The following ARMH3 variants were observed in gnomAD, a reference collection of about 807,000 sequenced individuals.
ARMH3 encodes armadillo like helical domain containing 3, also known as armadillo-like helical domain-containing protein 3.
In ARMH3, 60 loss-of-function variants were observed where a neutral mutation model predicts 99.1. The ratio of observed to expected loss-of-function variants is 0.61; its 90% CI spans 0.49 to 0.75. The LOEUF is 0.75. Among genes scored for constraint, ARMH3 ranks in the 30% least tolerant of loss-of-function variants. The pLI is 0.00. For missense variants in ARMH3, 679 were observed against 843.1 expected (o/e 0.81, Z 2.41); for synonymous variants, 285 against 292.8 (o/e 0.97, Z 0.27).
At chr10:102,010,143 C>T (rs2066599652) in intron 11 of ARMH3, 120 bp from the exon 12 acceptor site, 1 of 835,060 alleles carries the variant, frequency 1.2e-6, no homozygotes, top group African/African-American at 1.7e-5. Flanking sequence ...GAACTTGGAA[C>T]TCTAGGCCAT....
Position 101,860,962 on chromosome 10 carries a change from C to A in ARMH3, c.1861-11070G>T, listed in dbSNP as rs749511783. Among the ~76,000 whole-genome samples, 19 of 152,126 alleles carry A rather than the reference C, an allele frequency of 1.2e-4. 1 individual carries two copies. The highest frequency in any genetic ancestry group is 1.9e-4 in the Non-Finnish European group (13 of 68,024). On this transcript the variant is annotated intron_variant, in intron 24 of 25. Transcript: ENST00000370033. ...TAAAGAAAGACAACAAAATCTAGCA[C>A]TTAACTTCAATAAAAATAGCCAGAC...
At chr10:101,992,095 T>C (rs1004712459) in intron 17 of ARMH3, 57 bp from the exon 18 acceptor site, 1 of 1,354,450 alleles carries the variant, frequency 7.4e-7, no homozygotes, top group Admixed American at 1.7e-5. Flanking sequence ...TGACATCCAA[T>C]GGCCCATCAT....
At chr10:101,902,329 G>C (rs1397832008) in intron 23 of ARMH3, among the ~76,000 whole-genome samples, 1 of 152,146 alleles carries the variant, frequency 6.6e-6, no homozygotes, top group Non-Finnish European at 1.5e-5. Context: ...AAAAGCCAAA[G>C]ACCATATGTC....
chr10:102,000,350 T>C (rs189000159), intron 15 of ARMH3, among the ~76,000 whole-genome samples: 12 of 152,268 alleles, frequency 7.9e-5, no homozygotes, highest in African/African-American at 2.4e-4. Flanking sequence ...ATCAGGTTCC[T>C]AGAGCAGTCA....
At chr10:101,905,825 C>T (rs191590903) in intron 23 of ARMH3, among the ~76,000 whole-genome samples, 7 of 152,310 alleles carry the variant, frequency 4.6e-5, no homozygotes, top group East Asian at 1.9e-4. Flanking sequence ...AAAAAGAATA[C>T]GCTGAATGCT....
chr10:101,877,299 G>T (rs2067293458), intron 24 of ARMH3, among the ~76,000 whole-genome samples: 1 of 151,824 alleles, frequency 6.6e-6, no homozygotes, highest in Admixed American at 6.6e-5. Flanking sequence ...GGAGATTAAG[G>T]CTGCAGTGAG....
At chr10:102,003,171 CT>C (rs1300377424) in intron 14 of ARMH3, among the ~76,000 whole-genome samples, 5 of 149,800 alleles carry the variant, frequency 3.3e-5, no homozygotes, top group East Asian at 3.9e-4. Context: ...ACAGTATTTT[CT>C]TTTTTTTTGA....
chr10:101,974,283 A>G (rs6584466), intron 20 of ARMH3, among the ~76,000 whole-genome samples: 31,775 of 152,166 alleles, frequency 0.21, 3,679 homozygotes, highest in East Asian at 0.52. Flanking sequence ...TGTCACAACG[A>G]ATGAGATGAA....
At chr10:101,898,259 G>T (rs116392046) in intron 23 of ARMH3, among the ~76,000 whole-genome samples, 2,983 of 151,732 alleles carry the variant, frequency 0.02, 87 homozygotes, top group African/African-American at 0.068. Context: ...AGGAGGCTGA[G>T]ATGGGAGGAT....
At chr10:102,019,755 G>A (rs570998802) in intron 8 of ARMH3, among the ~76,000 whole-genome samples, 21 of 151,546 alleles carry the variant, frequency 1.4e-4, no homozygotes, top group South Asian at 4.2e-4. Context: ...GTGAAACCCC[G>A]TCTCTACTAA....
At chr10:101,995,682 C>T (rs528135142) in intron 15 of ARMH3, among the ~76,000 whole-genome samples, 2 of 152,292 alleles carry the variant, frequency 1.3e-5, no homozygotes, top group African/African-American at 4.8e-5. Flanking sequence ...GCTGATAGAA[C>T]TTGAATAGTC....
intron 24 of ARMH3, among the ~76,000 whole-genome samples, chr10:101,872,269 G>A (rs977726618): frequency 6.6e-6 from 1 of 151,794 alleles, no homozygotes; most frequent in Non-Finnish European, 1.5e-5. Context: ...GTGTGTGTGT[G>A]TGTGTAACAA....
At chr10:102,001,507 T>C (rs2066360099) in intron 15 of ARMH3, among the ~76,000 whole-genome samples, 1 of 152,188 alleles carries the variant, frequency 6.6e-6, no homozygotes, top group Non-Finnish European at 1.5e-5. Flanking sequence ...GGATGGGTAT[T>C]GACACTTCTA....
intron 6 of ARMH3, among the ~76,000 whole-genome samples, chr10:102,024,597 G>A (rs1330664853): frequency 6.6e-6 from 1 of 151,826 alleles, no homozygotes; most frequent in African/African-American, 2.4e-5. Flanking sequence ...GATCACCTAA[G>A]GTCAGGAGTT....
At chr10:101,850,090 CTTTT>C (rs754571008) in intron 24 of ARMH3, among the ~76,000 whole-genome samples, 198 bp from the exon 25 acceptor site, 43 of 91,332 alleles carry the variant, frequency 4.7e-4, no homozygotes, top group African/African-American at 1.5e-3. Context: ...CTCTCTCTCT[CTTTT>C]TTTTTTTTTT....
chr10:101,854,668 G>A (rs2066689669), intron 24 of ARMH3, among the ~76,000 whole-genome samples: 1 of 152,284 alleles, frequency 6.6e-6, no homozygotes, highest in Middle Eastern at 3.4e-3. Flanking sequence ...AGGGGCCTGA[G>A]AGGACAGCAA....
At chr10:101,864,060 CAAA>C (rs71485765) in intron 24 of ARMH3, among the ~76,000 whole-genome samples, 4,946 of 105,250 alleles carry the variant, frequency 0.047, 158 homozygotes, top group Middle Eastern at 0.19. Flanking sequence ...GACTCCATCT[CAAA>C]AAAAAAAAAA....
intron 23 of ARMH3, among the ~76,000 whole-genome samples, chr10:101,910,053 T>C (rs1842802485): frequency 6.6e-6 from 1 of 152,222 alleles, no homozygotes; most frequent in South Asian, 2.1e-4. Flanking sequence ...CTGTTACTTG[T>C]CTACCTGCTC....
intron 23 of ARMH3, among the ~76,000 whole-genome samples, chr10:101,935,563 A>C (rs1049977081): frequency 6.6e-6 from 1 of 152,170 alleles, no homozygotes; most frequent in Non-Finnish European, 1.5e-5. Flanking sequence ...ACACTACCTT[A>C]CAGTAGTCAT....
Sources: allele counts gnomAD v4.1 joint callset (sites outside exome capture counted in the v4.1 genomes callset), GRCh38; gene constraint gnomAD v4.1.1; transcripts MANE v1.5; gene names NCBI Gene and HGNC (gene_info 2026-07-23, HGNC 2026-07-21).